Variants in AFG3L2 observed in about 807,000 individuals in gnomAD.
AFG3L2 encodes the protein AFG3 like matrix AAA peptidase subunit 2, also known as mitochondrial inner membrane m-AAA protease component AFG3L2.
AFG3L2 carries 54 observed loss-of-function variants against 94.5 expected under a neutral mutation model. The ratio of observed to expected loss-of-function variants is 0.57; its 90% CI spans 0.46 to 0.72. The LOEUF (loss-of-function observed/expected upper bound fraction) is 0.72, where lower values mean the gene tolerates loss of function less well. Among genes scored for constraint, AFG3L2 ranks in the 30% least tolerant of loss-of-function variants. The pLI is 0.00. For missense variants in AFG3L2, 754 were observed against 994.9 expected (o/e 0.76, Z 3.26); for synonymous variants, 377 against 365.5 (o/e 1.03, Z -0.36).
intron 8 of AFG3L2, 122 bp from the exon 9 acceptor site, chr18:12,356,953 CT>C (rs776185161): frequency 1.1e-6 from 1 of 946,132 alleles, no homozygotes; most frequent in Middle Eastern, 3.2e-4. Context: ...TTAAATATTA[CT>C]TAAACATCTG....
intron 16 of AFG3L2, among the ~76,000 whole-genome samples, chr18:12,335,104 T>C (rs886445875): frequency 1.3e-5 from 2 of 152,132 alleles, no homozygotes; most frequent in Admixed American, 6.5e-5. Context: ...CCCTCACTCA[T>C]TGCTCACAAG....
Position 12,351,408 on chromosome 18 carries a change from T to C in AFG3L2, c.1324A>G (p.Asn442Asp). 1 of 1,614,054 alleles carries C rather than the reference T, an allele frequency of 6.2e-7. No homozygotes were observed. Among genetic ancestry groups the C allele is most frequent in the Non-Finnish European group, 8.5e-7 (1 of 1,179,974 alleles). Residue 442 changes from asparagine (N) to aspartate (D), a missense_variant, in exon 11 of 17, where the codon AAT (asparagine) becomes GAT (aspartate). Transcript: ENST00000269143. ...NQLLVEMDGF[N>D]TTTNVVILAG... ...AAAATGACGACATTTGTTGTTGTAT[T>C]AAAACCTGAAAGATAACAAAAATGC... is the stretch of plus-strand genomic sequence containing the variant.
chr18:12,350,778 T>C (rs1406641327), intron 12 of AFG3L2, among the ~76,000 whole-genome samples: 3 of 152,158 alleles, frequency 2.0e-5, no homozygotes, highest in Non-Finnish European at 4.4e-5. Context: ...AGTAAGACCC[T>C]GTCTCCACAA....
intron 16 of AFG3L2, among the ~76,000 whole-genome samples, chr18:12,330,193 G>A (rs1907474833): frequency 6.6e-6 from 1 of 152,168 alleles, no homozygotes; most frequent in South Asian, 2.1e-4. Flanking sequence ...GGGCATGGTG[G>A]TGTGCGCCTG....
intron 10 of AFG3L2, among the ~76,000 whole-genome samples, 163 bp downstream of exon 10, chr18:12,352,842 A>C (rs1380120836): frequency 1.1e-4 from 16 of 152,096 alleles, no homozygotes; most frequent in Admixed American, 1.0e-3. Flanking sequence ...AGTGCAGCTT[A>C]AACTCAGGAG....
intron 16 of AFG3L2, chr18:12,337,009 C>A (rs1321846574): frequency 1.9e-6 from 1 of 515,266 alleles, no homozygotes; most frequent in African/African-American, 1.9e-5. Context: ...CAATGGTAAA[C>A]CAGGCAATCA....
At chr18:12,338,951 G>A (rs1907842712) in intron 15 of AFG3L2, among the ~76,000 whole-genome samples, 1 of 152,002 alleles carries the variant, frequency 6.6e-6, no homozygotes, top group Non-Finnish European at 1.5e-5. Context: ...TTTAAATACT[G>A]TACTAAAAAA....
At chr18:12,355,385 C>G (rs75798676) in intron 9 of AFG3L2, among the ~76,000 whole-genome samples, 44 of 152,150 alleles carry the variant, frequency 2.9e-4, no homozygotes, top group African/African-American at 1.0e-3. Context: ...ATCAAAACCA[C>G]GAGATACTAC....
At chr18:12,336,038 C>A (rs1231900512) in intron 16 of AFG3L2, among the ~76,000 whole-genome samples, 2 of 152,202 alleles carry the variant, frequency 1.3e-5, no homozygotes, top group Non-Finnish European at 2.9e-5. Context: ...TAGCCTCACA[C>A]ACTGTCCTCA....
At chr18:12,374,646 A>C (rs1024047493) in intron 1 of AFG3L2, among the ~76,000 whole-genome samples, 3 of 152,230 alleles carry the variant, frequency 2.0e-5, no homozygotes, top group Admixed American at 6.5e-5. Flanking sequence ...TGATACAGGG[A>C]CAATAGTGTC....
At chr18:12,354,142 C>CTG (rs1908416557) in intron 9 of AFG3L2, among the ~76,000 whole-genome samples, 2 of 139,660 alleles carry the variant, frequency 1.4e-5, no homozygotes, top group Non-Finnish European at 3.1e-5. Flanking sequence ...ACCCCCCCCC[C>CTG]CCCACTTCAC....
intron 5 of AFG3L2, among the ~76,000 whole-genome samples, chr18:12,366,168 G>T (rs1405612927): frequency 6.6e-6 from 1 of 152,014 alleles, no homozygotes; most frequent in Non-Finnish European, 1.5e-5. Flanking sequence ...GACCCACTAC[G>T]CCCGGCCACT....
intron 1 of AFG3L2, 90 bp from the exon 2 acceptor site, chr18:12,371,781 G>A: frequency 5.7e-6 from 6 of 1,051,186 alleles, no homozygotes; most frequent in Non-Finnish European, 7.1e-6. Context: ...TAGATGAAAG[G>A]TCTCTCTCTT....
rs201249429 is a variant in AFG3L2 at position 12,333,447 on chromosome 18, CT to C, written c.2176-3665del. On this transcript the variant is annotated intron_variant, in intron 16 of 16. Coordinates refer to ENST00000269143, the MANE Select transcript of AFG3L2 (RefSeq NM_006796.3). ...ATCACAGCTCACTGTAGCCTCTAGCCTCAACTTCCTGGGCTCAGGTGATCCT... is the reference window on the plus strand; with the variant it reads ...ATCACAGCTCACTGTAGCCTCTAGCCCAACTTCCTGGGCTCAGGTGATCCT... 7.3e-3 allele frequency among the ~76,000 whole-genome samples: 1,095 copies of C among 149,640 alleles called. 14 individuals are homozygous for C. The highest frequency in any genetic ancestry group is 0.027 in the Middle Eastern group (8 of 292).
intron 16 of AFG3L2, among the ~76,000 whole-genome samples, chr18:12,335,159 C>T (rs1907700693): frequency 6.6e-6 from 1 of 152,180 alleles, no homozygotes; most frequent in South Asian, 2.1e-4. Context: ...AAACAAAGTT[C>T]TGCTGGATCT....
At position 12,367,032 on chromosome 18, in the gene AFG3L2, A is replaced by G; in HGVS notation, c.485T>C (p.Leu162Pro). 6.2e-7 allele frequency: 1 copy of G among 1,614,246 alleles called. No homozygotes were observed. The highest frequency in any genetic ancestry group is 8.5e-7 in the Non-Finnish European group (1 of 1,180,038). Residue 162 changes from leucine (L) to proline (P), a missense_variant, in exon 5 of 17, where the codon CTG becomes CCG. This residue lies in a region of AFG3L2 where 236 missense variants were observed against 214.0 expected (regional missense o/e 1.10). Transcript: ENST00000269143. ...GATTTCTCTCCCGGATCTCTTGAGC[A>G]GCAAGTAAAACATGACTCCACCCCA... ...LFWGGVMFYL[L>P]LKRSGREITW...
chr18:12,357,250 T>G (rs2143187138), intron 8 of AFG3L2, among the ~76,000 whole-genome samples: 1 of 152,322 alleles, frequency 6.6e-6, no homozygotes, highest in African/African-American at 2.4e-5. Context: ...TGAGCTCAAA[T>G]AATTAATAAA....
chr18:12,363,041 C>T (rs1024348010), intron 6 of AFG3L2, among the ~76,000 whole-genome samples: 1 of 152,200 alleles, frequency 6.6e-6, no homozygotes, highest in Non-Finnish European at 1.5e-5. Context: ...CAGGGCAACA[C>T]CAGAGCCCTG....
At chr18:12,344,492 T>C (rs1251571925) in intron 13 of AFG3L2, among the ~76,000 whole-genome samples, 2 of 151,910 alleles carry the variant, frequency 1.3e-5, no homozygotes, top group African/African-American at 4.8e-5. Flanking sequence ...CTGGCCAACA[T>C]GGTGAAACCC....
Sources: gnomAD v4.1 joint callset for allele counts (sites outside exome capture counted in the v4.1 genomes callset) on GRCh38, gnomAD v4.1.1 for gene constraint, gnomAD v4.1.1 regional missense constraint, MANE v1.5 for transcripts, NCBI Gene and HGNC (gene_info 2026-07-23, HGNC 2026-07-21) for gene names.